The following AIFM1 variants were observed in gnomAD, a reference collection of about 807,000 sequenced individuals.
AIFM1 encodes the protein apoptosis-inducing factor 1, mitochondrial.
Under a neutral mutation model 51.7 loss-of-function variants are expected in AIFM1, and 3 were observed. That is an observed-to-expected ratio of 0.06 (90% CI 0.03 to 0.15). The LOEUF (loss-of-function observed/expected upper bound fraction) is 0.15. Among genes scored for constraint, AIFM1 ranks in the 10% least tolerant of loss-of-function variants. AIFM1 has a pLI of 1.00. For missense variants in AIFM1, 330 were observed against 476.8 expected (o/e 0.69, Z 2.87); for synonymous variants, 178 against 179.4 (o/e 0.99, Z 0.06).
intron 6 of AIFM1, among the ~76,000 whole-genome samples, chrX:130,143,720 G>A (rs1290438035): frequency 9.1e-6 from 1 of 110,220 alleles, no homozygotes; most frequent in Non-Finnish European, 1.9e-5. Flanking sequence ...AGCCAGGCAT[G>A]GTGGCGCATG....
At chrX:130,151,434 C>T (rs209535) in intron 2 of AIFM1, among the ~76,000 whole-genome samples, 53,250 of 110,054 alleles carry the variant, frequency 0.48, 9,939 homozygotes, top group African/African-American at 0.67. Flanking sequence ...CCACCACACC[C>T]GGCCCCATAA....
intron 3 of AIFM1, 64 bp from the exon 4 acceptor site, chrX:130,147,940 TA>T (rs747896035): frequency 6.9e-5 from 81 of 1,177,149 alleles, no homozygotes; most frequent in Non-Finnish European, 8.4e-5. Flanking sequence ...TTGCCACTGT[TA>T]AAAAAAAATC....
intron 3 of AIFM1, among the ~76,000 whole-genome samples, chrX:130,149,008 G>A (rs1401308932): frequency 1.8e-4 from 17 of 92,708 alleles, no homozygotes; most frequent in Non-Finnish European, 3.5e-4. Flanking sequence ...TGCAACCTCC[G>A]CCACTTCAGT....
chrX:130,153,107 T>G (rs901296197), intron 2 of AIFM1, among the ~76,000 whole-genome samples: 1 of 97,996 alleles, frequency 1.0e-5, no homozygotes, highest in African/African-American at 3.9e-5. Context: ...CCGAGGCGGG[T>G]GGATCACCCG....
At chrX:130,159,912 C>T (rs1411598306) in intron 1 of AIFM1, among the ~76,000 whole-genome samples, 1 of 109,665 alleles carries the variant, frequency 9.1e-6, no homozygotes, top group African/African-American at 3.3e-5. Flanking sequence ...CCTATGCTTC[C>T]TGGGCTCAAG....
chrX:130,161,504 C>CTT (rs774817903), intron 1 of AIFM1, among the ~76,000 whole-genome samples: 11 of 65,886 alleles, frequency 1.7e-4, no homozygotes, highest in Non-Finnish European at 2.6e-4. Context: ...GAGCAAGACT[C>CTT]TGTTTGAAGA....
intron 8 of AIFM1, 72 bp downstream of exon 8, chrX:130,139,723 G>T: frequency 9.7e-7 from 1 of 1,028,516 alleles, no homozygotes; most frequent in Non-Finnish European, 1.4e-6. Flanking sequence ...TCCCGGGTGG[G>T]CACTTGGGGA....
rs375825554 is a variant in AIFM1 at position 130,130,147 on chromosome X, C to T, written c.1593G>A (p.Glu531=). ...TEQSGTGIRS[E]SETESEASEI... is the part of the protein sequence containing the mutation. ...CTGAGGCCTCGGACTCTGTCTCACT[C>T]TCTGATCGGATACCAGTTCCTGTGG... The change falls in exon 15 of 16, where the codon GAG becomes GAA. Residue 531 remains glutamate (E), a synonymous_variant. Transcript: ENST00000287295. 4.1e-6 allele frequency: 5 copies of T among 1,210,130 alleles called. No individual in the cohort carries two copies. In the Admixed American group the frequency reaches 6.6e-5, roughly 16 times the overall value.
At chrX:130,150,989 A>G (rs2030951908) in intron 2 of AIFM1, among the ~76,000 whole-genome samples, 1 of 104,189 alleles carries the variant, frequency 9.6e-6, no homozygotes, top group African/African-American at 3.5e-5. Context: ...AAAAAAAAAA[A>G]AAAAAAGAAA....
intron 3 of AIFM1, 38 bp downstream of exon 3, chrX:130,149,431 G>A (rs1332844182): frequency 9.1e-7 from 1 of 1,096,996 alleles, no homozygotes; most frequent in South Asian, 1.8e-5. Context: ...TTCCCTTTGT[G>A]AGTCTCAAAT....
At position 130,165,584 on chromosome X, in the gene AIFM1, C is replaced by T; in HGVS notation, c.73G>A (p.Val25Ile). The T allele has an allele frequency of 8.3e-7, 1 of 1,200,598 alleles. No homozygotes were observed. The highest frequency in any genetic ancestry group is 1.1e-6 in the Non-Finnish European group (1 of 889,430). Residue 25 changes from valine to isoleucine, a missense_variant, in exon 1 of 16, where the codon GTC becomes ATC. Transcript: ENST00000287295. ...CGGTTCCTCTGCCTCGGGCTTCGGA[C>T]GCACACGGTCCGCACCAAGGGCACC... ...KLVPLVRTVC[V>I]RSPRQRNRLP...
At chrX:130,150,991 A>AAAAAAAAAAAAAG (rs1341180916) in intron 2 of AIFM1, among the ~76,000 whole-genome samples, 1 of 104,441 alleles carries the variant, frequency 9.6e-6, no homozygotes, top group Non-Finnish European at 2.0e-5. Flanking sequence ...AAAAAAAAAA[A>AAAAAAAAAAAAAG]AAAAGAAAAG....
chrX:130,153,352 CAA>C (rs35771131), intron 2 of AIFM1, among the ~76,000 whole-genome samples: 101 of 42,857 alleles, frequency 2.4e-3, no homozygotes, highest in African/African-American at 7.4e-3. Context: ...GACTCCGTTT[CAA>C]AAAAAAAAAA....
Position 130,165,597 on chromosome X carries a change from C to T in AIFM1, c.60G>A (p.Val20=). The T allele has an allele frequency of 8.3e-7, 1 of 1,202,291 alleles. No individual in the cohort carries two copies. The highest frequency in any genetic ancestry group is 1.1e-6 in the Non-Finnish European group (1 of 890,437). The change falls in exon 1 of 16, where the codon GTG becomes GTA. Residue 20 remains valine (V), a synonymous_variant. Transcript: ENST00000287295. ...TCGGGCTTCGGACGCACACGGTCCG[C>T]ACCAAGGGCACCAGCTTCTGCTTCA... The part of the protein sequence containing the change: ...GALKQKLVPL[V]RTVCVRSPRQ...
intron 2 of AIFM1, among the ~76,000 whole-genome samples, chrX:130,151,988 G>A (rs1465363777): frequency 9.1e-6 from 1 of 110,302 alleles, no homozygotes; most frequent in Non-Finnish European, 1.9e-5. Context: ...GCAGTGAGCC[G>A]AGATTGCACC....
Position 130,146,319 on chromosome X carries a change from C to T in AIFM1, c.606-750G>A, listed in dbSNP as rs1054805971. 7.3e-5 allele frequency among the ~76,000 whole-genome samples: 8 copies of T among 109,237 alleles called. No homozygotes were observed. In the Admixed American group the frequency reaches 7.9e-4, roughly 11 times the overall value. 94.9% of individuals were successfully genotyped at this position (109,237 alleles called of 115,157 possible). On this transcript the variant is annotated intron_variant, in intron 5 of 15. Coordinates refer to ENST00000287295, the MANE Select transcript of AIFM1 (RefSeq NM_004208.4). ...ATAAAAGGCACGTGGTGGTACGCAC[C>T]TGTAGTCCTAGCTACTCGGGAGGCT...
intron 6 of AIFM1, among the ~76,000 whole-genome samples, chrX:130,142,010 T>C (rs889780548): frequency 4.5e-5 from 5 of 111,887 alleles, no homozygotes; most frequent in African/African-American, 1.6e-4. Context: ...AGCTTGAGCT[T>C]TGGAGTCAGA....
In AIFM1 at chrX:130,165,575, G is replaced by C; in HGVS notation, c.82C>G (p.Pro28Ala). 2.5e-6 allele frequency: 3 copies of C among 1,198,780 alleles called. No homozygotes were observed. Among genetic ancestry groups the C allele is most frequent in the Non-Finnish European group, 3.4e-6 (3 of 888,470 alleles). The change falls in exon 1 of 16, where the codon CCG becomes GCG. Residue 28 changes from proline to alanine, a missense_variant. Around this residue, in one of 4 missense-constraint regions of AIFM1, gnomAD observed 110 missense variants for 103.1 expected, o/e 1.07. Transcript: ENST00000287295. ...PLVRTVCVRS[P>A]RQRNRLPGNL... is the part of the protein sequence containing the mutation. ...CCTGGGAGCCGGTTCCTCTGCCTCG[G>C]GCTTCGGACGCACACGGTCCGCACC...
chrX:130,147,919 C>G (rs2030815474), intron 3 of AIFM1, 43 bp from the exon 4 acceptor site: 1 of 1,205,702 alleles, frequency 8.3e-7, no homozygotes, highest in Non-Finnish European at 1.1e-6. Context: ...CTTGAAGTCT[C>G]AGATGATTCT....
Sources: allele counts gnomAD v4.1 joint callset (sites outside exome capture counted in the v4.1 genomes callset), GRCh38; gene constraint gnomAD v4.1.1; regional missense constraint gnomAD v4.1.1; transcripts MANE v1.5; gene names NCBI Gene and HGNC (gene_info 2026-07-23, HGNC 2026-07-21).